The following AIG1 variants were observed in gnomAD, a reference collection of about 807,000 sequenced individuals.
AIG1 encodes androgen-induced gene 1 protein.
Under a neutral mutation model 31.4 loss-of-function variants are expected in AIG1, and 23 were observed. The observed-to-expected ratio is 0.73, with a 90% confidence interval of 0.53 to 1.04. AIG1 has a LOEUF of 1.04. Among genes scored for constraint, AIG1 ranks in the 50% least tolerant of loss-of-function variants. The pLI, the probability that AIG1 is intolerant of heterozygous loss-of-function variation, is 0.00. For synonymous variants in AIG1, 100 were observed against 110.5 expected (o/e 0.90, Z 0.60); for missense variants, 274 against 295.0 (o/e 0.93, Z 0.52).
At chr6:143,204,583 C>T (rs1040234065) in intron 3 of AIG1, among the ~76,000 whole-genome samples, 1 of 152,102 alleles carries the variant, frequency 6.6e-6, no homozygotes, top group Non-Finnish European at 1.5e-5. Context: ...TATTGGTCAT[C>T]AGTCAAGTCC....
chr6:143,067,790 A>T (rs1776855016), intron 1 of AIG1, among the ~76,000 whole-genome samples: 1 of 152,116 alleles, frequency 6.6e-6, no homozygotes, highest in Admixed American at 6.5e-5. Context: ...CAGGGAACAA[A>T]ATTAGGTGGA....
chr6:143,089,133 C>T (rs921995622), intron 1 of AIG1, among the ~76,000 whole-genome samples: 1 of 151,660 alleles, frequency 6.6e-6, no homozygotes, highest in East Asian at 1.9e-4. Context: ...TCGCTTGAAC[C>T]TGGGTGGCAG....
At chr6:143,243,456 G>T (rs1794398913) in intron 3 of AIG1, among the ~76,000 whole-genome samples, 1 of 152,158 alleles carries the variant, frequency 6.6e-6, no homozygotes, top group African/African-American at 2.4e-5. Flanking sequence ...TTATACACTT[G>T]CTTGGAACCC....
chr6:143,250,393 T>C (rs910643106), intron 3 of AIG1, among the ~76,000 whole-genome samples: 2 of 152,236 alleles, frequency 1.3e-5, no homozygotes, highest in African/African-American at 4.8e-5. Context: ...AGATTTCCTA[T>C]GAGTAGTTTA....
rs748277201 is a variant in AIG1 at position 143,182,015 on chromosome 6, T to C, written c.399+16832T>C. On this transcript the variant is annotated intron_variant, in intron 3 of 5. Transcript: ENST00000357847. ...TCTTTCTCTCACTCTCTCTCTCTCT[T>C]TTTTTTTCTTTTTTTTCTTTTTAAA... 1.1e-4 allele frequency among the ~76,000 whole-genome samples: 16 copies of C among 150,800 alleles called. 1 individual carries two copies. The highest frequency in any genetic ancestry group is 1.8e-4 in the Non-Finnish European group (12 of 67,912).
chr6:143,220,551 T>A (rs551768281), intron 3 of AIG1, among the ~76,000 whole-genome samples: 15 of 152,300 alleles, frequency 9.8e-5, no homozygotes, highest in African/African-American at 3.4e-4. Flanking sequence ...TCATCACGGG[T>A]AAGCAACTGA....
intron 1 of AIG1, among the ~76,000 whole-genome samples, chr6:143,118,950 T>C (rs1781993137): frequency 6.6e-6 from 1 of 151,752 alleles, no homozygotes; most frequent in Non-Finnish European, 1.5e-5. Context: ...CATGGCTCAC[T>C]GCAACCTCGA....
At chr6:143,317,864 A>C (rs900263917) in intron 4 of AIG1, among the ~76,000 whole-genome samples, 3 of 152,196 alleles carry the variant, frequency 2.0e-5, no homozygotes, top group African/African-American at 7.2e-5. Context: ...CCAAGCTGAG[A>C]ATCAAATCAA....
intron 1 of AIG1, among the ~76,000 whole-genome samples, chr6:143,087,884 T>C (rs1167503271): frequency 2.0e-5 from 3 of 152,234 alleles, no homozygotes; most frequent in East Asian, 3.8e-4. Context: ...TCAGGGTGTG[T>C]AAACCTGACA....
intron 1 of AIG1, among the ~76,000 whole-genome samples, chr6:143,126,504 T>C (rs1782699436): frequency 6.6e-6 from 1 of 152,234 alleles, no homozygotes; most frequent in Non-Finnish European, 1.5e-5. Context: ...TTATGCGCTG[T>C]TAAAAAGAAA....
At chr6:143,154,946 C>G (rs1583348298) in intron 2 of AIG1, among the ~76,000 whole-genome samples, 1 of 151,636 alleles carries the variant, frequency 6.6e-6, no homozygotes, top group Non-Finnish European at 1.5e-5. Flanking sequence ...CTTCCAGATT[C>G]AAGTGATTCT....
At chr6:143,187,871 G>C (rs1484493388) in intron 3 of AIG1, 2 of 1,401,154 alleles carry the variant, frequency 1.4e-6, no homozygotes, top group African/African-American at 2.9e-5. Context: ...GGTATCCGCA[G>C]CATTGTCAAA....
intron 1 of AIG1, among the ~76,000 whole-genome samples, chr6:143,135,386 T>C (rs1008102206): frequency 6.6e-6 from 1 of 151,910 alleles, no homozygotes; most frequent in African/African-American, 2.4e-5. Flanking sequence ...AAATAGAAAA[T>C]AGAACATTTT....
At chr6:143,096,464 A>G (rs1779801815) in intron 1 of AIG1, among the ~76,000 whole-genome samples, 1 of 152,252 alleles carries the variant, frequency 6.6e-6, no homozygotes. Context: ...GGTAAATTGC[A>G]GTCTAATTTA....
At chr6:143,263,405 G>T (rs911403930) in intron 3 of AIG1, among the ~76,000 whole-genome samples, 1 of 151,344 alleles carries the variant, frequency 6.6e-6, no homozygotes, top group Non-Finnish European at 1.5e-5. Context: ...TATAAGCCCT[G>T]CCCTGGTTCT....
chr6:143,328,526 C>G lies in AIG1; in HGVS notation c.516-4756C>G, dbSNP rs1310004074. On this transcript the variant is annotated intron_variant, in intron 4 of 5. Coordinates refer to ENST00000357847, the MANE Select transcript of AIG1 (RefSeq NM_016108.4). The surrounding 1 kb of genome is among the most constrained non-coding windows in gnomAD (Gnocchi z 4.0). ...TTACCCTTTCTTAATTCTGACTACA[C>G]TTGTAATTCTTAATTATCTGTGTTT... Among the ~76,000 whole-genome samples the G allele has an allele frequency of 6.6e-6, 1 of 152,204 alleles. No homozygotes were observed. The highest frequency in any genetic ancestry group is 1.5e-5 in the Non-Finnish European group (1 of 68,030).
intron 4 of AIG1, among the ~76,000 whole-genome samples, chr6:143,300,624 A>C (rs1798758222): frequency 6.6e-6 from 1 of 152,224 alleles, no homozygotes; most frequent in African/African-American, 2.4e-5. Flanking sequence ...AGACCTTTTA[A>C]ATTATTTTTG....
intron 1 of AIG1, among the ~76,000 whole-genome samples, chr6:143,089,076 G>A (rs1018635225): frequency 6.6e-6 from 1 of 152,002 alleles, no homozygotes; most frequent in African/African-American, 2.4e-5. Flanking sequence ...CACAGGTGGT[G>A]GTGGGTGCCT....
At chr6:143,320,606 T>C (rs1247147056) in intron 4 of AIG1, among the ~76,000 whole-genome samples, 1 of 152,116 alleles carries the variant, frequency 6.6e-6, no homozygotes, top group Non-Finnish European at 1.5e-5. Context: ...AACCAGACTA[T>C]ATGATCCCAC....
Sources: allele counts gnomAD v4.1 joint callset (sites outside exome capture counted in the v4.1 genomes callset), GRCh38; gene constraint gnomAD v4.1.1; non-coding constraint Gnocchi (gnomAD v3.1); transcripts MANE v1.5; gene names NCBI Gene and HGNC (gene_info 2026-07-23, HGNC 2026-07-21).